Variants in CCDC148 observed in about 807,000 individuals in gnomAD.
The protein encoded by CCDC148 is coiled-coil domain containing 148.
CCDC148 carries 89 observed loss-of-function variants against 85.7 expected under a neutral mutation model. That is an observed-to-expected ratio of 1.04 (90% confidence interval 0.87 to 1.24). The LOEUF (loss-of-function observed/expected upper bound fraction) is 1.24. Among genes scored for constraint, CCDC148 ranks in the 50% most tolerant of loss-of-function variants. The probability of loss-of-function intolerance (pLI) is 0.00; values close to 1 mark genes in which losing one functional copy is unlikely to be tolerated. For missense variants in CCDC148, 692 were observed against 671.7 expected, an observed-to-expected ratio of 1.03 and a Z score of -0.33; for synonymous variants, 230 against 213.9, an observed-to-expected ratio of 1.08 and a Z score of -0.66.
At chr2:158,361,274 T>G (rs1342329316) in intron 1 of CCDC148, among the ~76,000 whole-genome samples, 1 of 151,956 alleles carries the variant, frequency 6.6e-6, no homozygotes. Flanking sequence ...CAGGAGAACT[T>G]CCACAACCAA....
chr2:158,373,776 C>G (rs1324876609), intron 1 of CCDC148, among the ~76,000 whole-genome samples: 1 of 151,968 alleles, frequency 6.6e-6, no homozygotes. Context: ...ATTCTTCACC[C>G]TCTCATTCTA....
chr2:158,281,864 T>C (rs187414203), intron 9 of CCDC148, among the ~76,000 whole-genome samples: 380 of 152,234 alleles, frequency 2.5e-3, no homozygotes, highest in African/African-American at 8.5e-3. Flanking sequence ...TGAACATTGA[T>C]GCAAAAATCC....
At chr2:158,331,976 T>C (rs1693154497) in intron 7 of CCDC148, among the ~76,000 whole-genome samples, 2 of 152,226 alleles carry the variant, frequency 1.3e-5, no homozygotes, top group South Asian at 4.1e-4. Flanking sequence ...CCAGTCTGTG[T>C]CTTTTAATTG....
intron 1 of CCDC148, among the ~76,000 whole-genome samples, chr2:158,369,072 C>T (rs1317730648): frequency 1.3e-5 from 2 of 151,996 alleles, no homozygotes; most frequent in African/African-American, 4.8e-5. Context: ...GACGGTGAGT[C>T]TTCTATAATG....
chr2:158,259,806 T>C (rs1559024459), intron 9 of CCDC148, among the ~76,000 whole-genome samples: 1 of 151,932 alleles, frequency 6.6e-6, no homozygotes, highest in Non-Finnish European at 1.5e-5. Flanking sequence ...CTCTGCCTCT[T>C]CCTTTCCTCC....
At chr2:158,194,180 A>C (rs1685556384) in intron 11 of CCDC148, among the ~76,000 whole-genome samples, 1 of 152,110 alleles carries the variant, frequency 6.6e-6, no homozygotes, top group Non-Finnish European at 1.5e-5. Context: ...AATTTTTTTA[A>C]AATTTAATAA....
At chr2:158,354,619 A>G (rs1574678726) in intron 2 of CCDC148, among the ~76,000 whole-genome samples, 3 of 152,176 alleles carry the variant, frequency 2.0e-5, no homozygotes, top group African/African-American at 7.2e-5. Flanking sequence ...CCAGGACCAG[A>G]TGGATTCACA....
chr2:158,184,784 T>A (rs1261976164), intron 11 of CCDC148, among the ~76,000 whole-genome samples: 1 of 152,152 alleles, frequency 6.6e-6, no homozygotes. Context: ...TTAGTCATTC[T>A]CAAATGAGCG....
rs1399998743 is a variant in CCDC148, at chr2:158,446,980, C to T, written c.25+9435G>A. Among the ~76,000 whole-genome samples the T allele has an allele frequency of 1.3e-5, 2 of 151,942 alleles. 1 individual carries two copies. Among genetic ancestry groups the T allele is most frequent in the South Asian group, 4.2e-4 (2 of 4,818 alleles). ...TAGAGATGAATAGTATTCGAGTATG[C>T]CATGTTTTGTTTTGTCAATCATCAG... On this transcript the variant is annotated intron_variant, in intron 1 of 13. Coordinates refer to ENST00000283233, the MANE Select transcript of CCDC148 (RefSeq NM_138803.4).
chr2:158,429,128 G>A (rs1299129626), intron 1 of CCDC148, among the ~76,000 whole-genome samples: 1 of 149,150 alleles, frequency 6.7e-6, no homozygotes. Flanking sequence ...ACACAGTGGG[G>A]CCTGTCGTGG....
Position 158,345,364 on chromosome 2 carries a change from A to G in CCDC148, c.148-46T>C, listed in dbSNP as rs573604100. The G allele has an allele frequency of 1.0e-4, 137 of 1,359,264 alleles. 5 individuals are homozygous for G. In the South Asian group the frequency reaches 1.5e-3, roughly 15 times the overall value. 84.2% of individuals were successfully genotyped at this position (1,359,264 alleles called of 1,614,324 possible). ...GAGGAGCAACTTCAAAGTTTTCAGA[A>G]TGTGTTTTTCACAACAGAAATGCTT... is the stretch of plus-strand genomic sequence containing the variant. On this transcript the variant is annotated intron_variant, in intron 2 of 13. Coordinates refer to ENST00000283233, the MANE Select transcript of CCDC148 (RefSeq NM_138803.4).
At chr2:158,240,985 G>C (rs1014462188) in intron 10 of CCDC148, among the ~76,000 whole-genome samples, 2 of 152,128 alleles carry the variant, frequency 1.3e-5, no homozygotes, top group Non-Finnish European at 2.9e-5. Context: ...GACCAGCATG[G>C]GTGAGTGTGA....
At chr2:158,272,506 G>A (rs1487145545) in intron 9 of CCDC148, among the ~76,000 whole-genome samples, 2 of 152,268 alleles carry the variant, frequency 1.3e-5, no homozygotes, top group Middle Eastern at 3.4e-3. Context: ...GAGAAAAAGA[G>A]GAAACTCTAT....
In CCDC148 at chr2:158,372,725, G is replaced by T. The variant is rs146960014; in HGVS notation, c.26-14155C>A. ...CTAGCCCAGCTACCATCACACAATT[G>T]CCTGGATGAGTGATGTCTCAAACAC... On this transcript the variant is annotated intron_variant, in intron 1 of 13. Transcript: ENST00000283233. 2.4e-3 allele frequency among the ~76,000 whole-genome samples: 359 copies of T among 151,990 alleles called. 1 individual carries two copies. Among genetic ancestry groups the T allele is most frequent in the African/African-American group, 8.2e-3 (339 of 41,486 alleles).
intron 1 of CCDC148, among the ~76,000 whole-genome samples, chr2:158,383,830 TC>T (rs1249416108): frequency 6.6e-6 from 1 of 152,188 alleles, no homozygotes; most frequent in Non-Finnish European, 1.5e-5. Context: ...CAACTGATCC[TC>T]AGATCTCATT....
chr2:158,277,675 T>C (rs2685645), intron 9 of CCDC148, among the ~76,000 whole-genome samples: 139,967 of 152,010 alleles, frequency 0.92, 64,501 homozygotes, highest in East Asian at 0.98. Context: ...CGCCTCACTG[T>C]AAGCTCCACC....
chr2:158,346,895 G>A (rs1367893764), intron 2 of CCDC148, among the ~76,000 whole-genome samples: 6 of 151,940 alleles, frequency 3.9e-5, no homozygotes, highest in Admixed American at 3.9e-4. Context: ...AAAATTAGGG[G>A]TATAAGAAAA....
rs112068966 is a variant in CCDC148, at chr2:158,286,713, C to T, written c.1110+22720G>A. Among the ~76,000 whole-genome samples, 24 of 152,062 alleles carry T rather than the reference C, an allele frequency of 1.6e-4. No homozygotes were observed. The South Asian group carries it at 1.9e-3, about 12-fold the overall frequency. ...TAGAGACACTTGCCTATGGCACAGA[C>T]GGAACTGCAAAACAGTGGAAAGGAC... On this transcript the variant is annotated intron_variant, in intron 9 of 13. Coordinates refer to ENST00000283233, the MANE Select transcript of CCDC148 (RefSeq NM_138803.4).
chr2:158,326,042 T>G (rs1692754600), intron 7 of CCDC148, among the ~76,000 whole-genome samples: 1 of 152,112 alleles, frequency 6.6e-6, no homozygotes, highest in Non-Finnish European at 1.5e-5. Flanking sequence ...CAACAGCTTC[T>G]CATATCACAC....
Sources: allele counts gnomAD v4.1 joint callset (sites outside exome capture counted in the v4.1 genomes callset), GRCh38; gene constraint gnomAD v4.1.1; transcripts MANE v1.5; gene names NCBI Gene and HGNC (gene_info 2026-07-23, HGNC 2026-07-21).